Variants in TRHDE observed in about 807,000 individuals in gnomAD.
The protein encoded by TRHDE is thyrotropin-releasing hormone-degrading ectoenzyme.
TRHDE carries 72 observed loss-of-function variants against 125.7 expected under a neutral mutation model. The observed-to-expected ratio is 0.57, with a 90% CI of 0.47 to 0.70. The LOEUF (loss-of-function observed/expected upper bound fraction) is 0.70, where lower values mean the gene tolerates loss of function less well. TRHDE is among the 30% of genes least tolerant of loss of function. The pLI, the probability that TRHDE is intolerant of heterozygous loss-of-function variation, is 0.00. For synonymous variants in TRHDE, 509 were observed against 509.1 expected, an observed-to-expected ratio of 1.00 and a Z score of 0.00; for missense variants, 1,110 against 1,327.1, an observed-to-expected ratio of 0.84 and a Z score of 2.54.
At chr12:72,320,090 C>A (rs1592542049) in intron 2 of TRHDE, among the ~76,000 whole-genome samples, 1 of 151,932 alleles carries the variant, frequency 6.6e-6, no homozygotes, top group Non-Finnish European at 1.5e-5. Context: ...CTTTTATTTC[C>A]CCTTACACAT....
chr12:72,383,243 A>G (rs916657812), intron 3 of TRHDE, among the ~76,000 whole-genome samples: 2 of 152,194 alleles, frequency 1.3e-5, no homozygotes, highest in African/African-American at 4.8e-5. Context: ...TTTAAAAGAA[A>G]GTTGTAGACA....
At chr12:72,569,187 TTC>T (rs1356993928) in intron 10 of TRHDE, among the ~76,000 whole-genome samples, 1 of 152,216 alleles carries the variant, frequency 6.6e-6, no homozygotes, top group African/African-American at 2.4e-5. Context: ...TGAGATTCTA[TTC>T]TCTTTCTAAA....
chr12:72,665,226 C>G lies in TRHDE; in HGVS notation c.*2031C>G, dbSNP rs2136120213. Reference sequence around the variant, plus strand: ...TTTGTGTCATGAATTACTAAAATCTCTTAGTAGTTGTGGTATATTTTTGAG... The same window carrying G: ...TTTGTGTCATGAATTACTAAAATCTGTTAGTAGTTGTGGTATATTTTTGAG... On this transcript the variant is annotated 3_prime_UTR_variant, in exon 19 of 19. Coordinates refer to ENST00000261180, the MANE Select transcript of TRHDE (RefSeq NM_013381.3). 1 of 152,362 alleles carries G rather than the reference C, an allele frequency of 6.6e-6. No homozygotes were observed. The highest frequency in any genetic ancestry group is 1.9e-4 in the East Asian group (1 of 5,156). The allele number at this position is 152,362 out of a possible 1,614,324, so 9.4% of individuals were successfully genotyped here.
At chr12:72,424,564 T>G (rs2135831420) in intron 3 of TRHDE, among the ~76,000 whole-genome samples, 1 of 152,266 alleles carries the variant, frequency 6.6e-6, no homozygotes, top group Non-Finnish European at 1.5e-5. Context: ...AGCCACTAAA[T>G]TTGTGTTAAC....
At chr12:72,224,137 T>TCTAA (rs1195621869) in intron 2 of TRHDE, among the ~76,000 whole-genome samples, 1 of 38,708 alleles carries the variant, frequency 2.6e-5, no homozygotes, top group East Asian at 4.8e-4. Flanking sequence ...TATCTATCTA[T>TCTAA]CTATTTATCT....
intron 5 of TRHDE, among the ~76,000 whole-genome samples, chr12:72,485,395 G>T (rs1306946456): frequency 2.0e-5 from 3 of 152,154 alleles, no homozygotes; most frequent in African/African-American, 7.2e-5. Flanking sequence ...CCTCCTAGAG[G>T]CAAGCTACTT....
chr12:72,375,253 CTTGTT>C (rs369994043), intron 2 of TRHDE, among the ~76,000 whole-genome samples: 4 of 152,088 alleles, frequency 2.6e-5, no homozygotes, highest in African/African-American at 9.7e-5. Context: ...GTATGAATGT[CTTGTT>C]CATTTTGTGG....
intron 2 of TRHDE, among the ~76,000 whole-genome samples, chr12:72,250,204 A>G (rs555440219): frequency 7.8e-4 from 119 of 152,328 alleles, no homozygotes; most frequent in African/African-American, 2.5e-3. Context: ...TTACTTGATT[A>G]TGACAATGGT....
intron 2 of TRHDE, among the ~76,000 whole-genome samples, chr12:72,299,663 T>C (rs1260109458): frequency 6.6e-6 from 1 of 152,218 alleles, no homozygotes; most frequent in Non-Finnish European, 1.5e-5. Context: ...GATGTAGGAC[T>C]TTGAGTTACA....
At chr12:72,126,191 A>G (rs1312005281) in intron 2 of TRHDE, among the ~76,000 whole-genome samples, 2 of 152,184 alleles carry the variant, frequency 1.3e-5, no homozygotes, top group African/African-American at 4.8e-5. Flanking sequence ...ACTACAAAAC[A>G]CTGCTGAAAG....
chr12:72,362,846 G>A (rs144448741), intron 2 of TRHDE, among the ~76,000 whole-genome samples: 2,647 of 151,938 alleles, frequency 0.017, 50 homozygotes, highest in South Asian at 0.077. Flanking sequence ...CTTGTTTTTC[G>A]CAGGTTTGTT....
intron 3 of TRHDE, among the ~76,000 whole-genome samples, chr12:72,441,658 G>T (rs1354694554): frequency 2.6e-5 from 4 of 151,846 alleles, no homozygotes; most frequent in African/African-American, 9.7e-5. Flanking sequence ...AATGAAGAGA[G>T]CTGTTATAGG....
intron 3 of TRHDE, among the ~76,000 whole-genome samples, chr12:72,398,497 G>A (rs913871874): frequency 3.3e-5 from 5 of 152,098 alleles, no homozygotes; most frequent in African/African-American, 9.7e-5. Context: ...TCAATTGAAA[G>A]TTTCATGAGG....
At chr12:72,418,742 C>G (rs1873832547) in intron 3 of TRHDE, among the ~76,000 whole-genome samples, 1 of 151,946 alleles carries the variant, frequency 6.6e-6, no homozygotes. Context: ...CATTATTGTC[C>G]CAGTATTTCA....
At chr12:72,580,282 G>A (rs1157977311) in intron 12 of TRHDE, among the ~76,000 whole-genome samples, 1 of 152,170 alleles carries the variant, frequency 6.6e-6, no homozygotes, top group Non-Finnish European at 1.5e-5. Context: ...GGTATATGCT[G>A]CTTTACAGTC....
At chr12:72,584,243 A>C (rs1458059224) in intron 12 of TRHDE, among the ~76,000 whole-genome samples, 1 of 152,124 alleles carries the variant, frequency 6.6e-6, no homozygotes, top group Non-Finnish European at 1.5e-5. Context: ...AAGTATTTTG[A>C]CATTATTCTG....
At chr12:72,571,442 A>G (rs937418872) in intron 10 of TRHDE, among the ~76,000 whole-genome samples, 13 of 152,300 alleles carry the variant, frequency 8.5e-5, no homozygotes, top group African/African-American at 3.1e-4. Flanking sequence ...TTAGATTTGG[A>G]TCGTCCTATA....
intron 2 of TRHDE, among the ~76,000 whole-genome samples, chr12:72,135,654 C>G (rs1040370117): frequency 2.6e-5 from 4 of 151,426 alleles, no homozygotes; most frequent in African/African-American, 9.7e-5. Flanking sequence ...GGGCTATTTA[C>G]TTGTGATAAA....
In TRHDE at chr12:72,411,489, C is replaced by T. The variant is rs775054081; in HGVS notation, c.1315+33368C>T. ...ATATAAAAATTTATATTAAAATGAC[C>T]GAAATAAACTTAGAACAAAAATTAA... is the stretch of plus-strand genomic sequence containing the variant. On this transcript the variant is annotated intron_variant, in intron 3 of 18. Coordinates refer to ENST00000261180, the MANE Select transcript of TRHDE (RefSeq NM_013381.3). 6.6e-5 allele frequency among the ~76,000 whole-genome samples: 10 copies of T among 151,136 alleles called. 1 individual carries two copies. The highest frequency in any genetic ancestry group is 6.3e-4 in the South Asian group (3 of 4,756).
Sources: gnomAD v4.1 joint callset for allele counts (sites outside exome capture counted in the v4.1 genomes callset) on GRCh38, gnomAD v4.1.1 for gene constraint, MANE v1.5 for transcripts, NCBI Gene and HGNC (gene_info 2026-07-23, HGNC 2026-07-21) for gene names.